FAM13A: variants seen among roughly 807,000 people sequenced by gnomAD.
The protein encoded by FAM13A is family with sequence similarity 13 member A.
Under a neutral mutation model 129.6 loss-of-function variants are expected in FAM13A, and 76 were observed. The observed-to-expected ratio is 0.59, with a 90% confidence interval of 0.49 to 0.71. FAM13A has a LOEUF of 0.71. FAM13A is among the 30% of genes least tolerant of loss of function. The pLI is 0.00. For missense variants in FAM13A, 1,108 were observed against 1,249.3 expected (o/e 0.89, Z 1.70); for synonymous variants, 443 against 449.9 (o/e 0.98, Z 0.20).
chr4:89,019,099 G>C (rs1484494058), intron 3 of FAM13A, among the ~76,000 whole-genome samples: 1 of 152,174 alleles, frequency 6.6e-6, no homozygotes, highest in Non-Finnish European at 1.5e-5. Context: ...CCTTCCCTAG[G>C]GGATGGCAAG....
In FAM13A at chr4:88,747,762, C is replaced by G. The variant is rs1221890272; in HGVS notation, c.2251G>C (p.Glu751Gln). The change falls in exon 18 of 24, where the codon GAG becomes CAG. Residue 751 changes from glutamate (E) to glutamine (Q), a missense_variant. Glu to Gln is a conservative substitution (Grantham distance 29). This residue lies in a region of FAM13A where 529 missense variants were observed against 621.2 expected (regional missense o/e 0.85). Coordinates refer to ENST00000264344, the MANE Select transcript of FAM13A (RefSeq NM_014883.4). ...TCTTGCTTCTTCTCATCTTCTTTCT[C>G]AAGTTGGGAACCAAAACTCTTGGGG... ...TLPKSFGSQL[E>Q]KEDEKKQELV... The G allele has an allele frequency of 3.7e-6, 6 of 1,614,084 alleles. No individual in the cohort carries two copies. In the East Asian group the frequency reaches 1.3e-4, roughly 36 times the overall value.
intron 20 of FAM13A, among the ~76,000 whole-genome samples, chr4:88,738,360 G>C (rs901249539): frequency 1.1e-4 from 16 of 152,156 alleles, no homozygotes; most frequent in African/African-American, 3.6e-4. Flanking sequence ...TCATAAGCTG[G>C]GGGTGGAAAC....
intron 4 of FAM13A, among the ~76,000 whole-genome samples, chr4:88,945,792 T>C (rs1755593174): frequency 7.0e-6 from 1 of 143,764 alleles, no homozygotes; most frequent in Non-Finnish European, 1.5e-5. Flanking sequence ...TGTATATATA[T>C]ATATAAGTAT....
At chr4:89,025,947 A>C (rs1445340213) in intron 2 of FAM13A, among the ~76,000 whole-genome samples, 2 of 152,216 alleles carry the variant, frequency 1.3e-5, no homozygotes, top group South Asian at 2.1e-4. Context: ...TTAACCACAT[A>C]ATTTTATTAA....
At chr4:89,010,106 AAG>A (rs1765545007) in intron 3 of FAM13A, among the ~76,000 whole-genome samples, 1 of 152,212 alleles carries the variant, frequency 6.6e-6, no homozygotes, top group Non-Finnish European at 1.5e-5. Context: ...AATATAAAAT[AAG>A]AGTCTTTTTC....
intron 6 of FAM13A, among the ~76,000 whole-genome samples, chr4:88,879,992 A>G (rs957661009): frequency 1.3e-5 from 2 of 152,210 alleles, no homozygotes; most frequent in African/African-American, 4.8e-5. Context: ...TTCAGTGTTT[A>G]GCATAGAGTA....
At chr4:88,799,114 G>A (rs1236439651) in intron 8 of FAM13A, among the ~76,000 whole-genome samples, 2 of 152,046 alleles carry the variant, frequency 1.3e-5, no homozygotes, top group Non-Finnish European at 2.9e-5. Flanking sequence ...AAAAAATAAT[G>A]ACTGGTGATT....
At chr4:89,019,629 C>T (rs894436278) in intron 3 of FAM13A, among the ~76,000 whole-genome samples, 6 of 151,648 alleles carry the variant, frequency 4.0e-5, no homozygotes, top group South Asian at 2.1e-4. Flanking sequence ...GGCATGGTGG[C>T]GGGTGCCTGT....
At chr4:88,942,143 T>A (rs906725904) in intron 4 of FAM13A, among the ~76,000 whole-genome samples, 1 of 152,178 alleles carries the variant, frequency 6.6e-6, no homozygotes, top group Admixed American at 6.5e-5. Flanking sequence ...CTAAAGATAA[T>A]TCAGAATTAC....
chr4:88,820,275 C>T (rs1361806237), intron 7 of FAM13A, among the ~76,000 whole-genome samples: 1 of 152,114 alleles, frequency 6.6e-6, no homozygotes, highest in Non-Finnish European at 1.5e-5. Flanking sequence ...TCCATCTAGG[C>T]ACATCTCTAT....
chr4:88,922,107 T>C lies in FAM13A; in HGVS notation c.760-15645A>G, dbSNP rs1259182293. Among the ~76,000 whole-genome samples the C allele has an allele frequency of 1.7e-3, 252 of 148,872 alleles. 1 individual carries two copies. The highest frequency in any genetic ancestry group is 5.8e-3 in the African/African-American group (226 of 38,676). On this transcript the variant is annotated intron_variant, in intron 5 of 23. Coordinates refer to ENST00000264344, the MANE Select transcript of FAM13A (RefSeq NM_014883.4). The stretch of plus-strand genomic sequence containing the variant: ...ACTCCCACATAATAATAATGGGAGA[T>C]TTTAACACCCCACTGTCAACATTAG...
intron 5 of FAM13A, among the ~76,000 whole-genome samples, chr4:88,924,042 T>G (rs201531745): frequency 2.0e-4 from 30 of 151,904 alleles, no homozygotes; most frequent in African/African-American, 6.5e-4. Flanking sequence ...CACTGCTCAA[T>G]GAAATAAAAG....
chr4:88,839,505 A>G (rs1561131691), intron 7 of FAM13A, among the ~76,000 whole-genome samples: 1 of 152,324 alleles, frequency 6.6e-6, no homozygotes, highest in East Asian at 1.9e-4. Context: ...TTAGGGGTGT[A>G]AATTAGGAAT....
chr4:88,969,709 C>A (rs576937969), intron 4 of FAM13A, among the ~76,000 whole-genome samples: 2 of 152,268 alleles, frequency 1.3e-5, no homozygotes, highest in Admixed American at 6.5e-5. Context: ...TGTTTTAATT[C>A]ATTTAATCCT....
Position 88,728,411 on chromosome 4 carries a change from A to T in FAM13A, c.*122T>A. 2 of 1,201,438 alleles carry T rather than the reference A, an allele frequency of 1.7e-6. No individual in the cohort carries two copies. Among genetic ancestry groups the T allele is most frequent in the Non-Finnish European group, 2.4e-6 (2 of 839,108 alleles). The allele number at this position is 1,201,438 out of a possible 1,614,324, so 74.4% of individuals were successfully genotyped here. On this transcript the variant is annotated 3_prime_UTR_variant, in exon 24 of 24. Transcript: ENST00000264344. ...AACAGGAGCCGATGCCAAATGGTCT[A>T]GAGGCAGAAGGGCTGCATGCTTTGC... is the stretch of plus-strand genomic sequence containing the variant.
chr4:89,024,696 G>C (rs1767704189), intron 2 of FAM13A, among the ~76,000 whole-genome samples: 2 of 152,148 alleles, frequency 1.3e-5, no homozygotes, highest in Admixed American at 6.5e-5. Context: ...ACAAATTGAA[G>C]TATTATGCCC....
chr4:88,787,344 T>A, intron 10 of FAM13A, among the ~76,000 whole-genome samples: 1 of 152,150 alleles, frequency 6.6e-6, no homozygotes, highest in Non-Finnish European at 1.5e-5. Flanking sequence ...CACATAAATA[T>A]AATGGAGAAA....
At chr4:88,875,700 A>C (rs1271498702) in intron 6 of FAM13A, among the ~76,000 whole-genome samples, 1 of 152,232 alleles carries the variant, frequency 6.6e-6, no homozygotes, top group African/African-American at 2.4e-5. Flanking sequence ...GTGGGACTGT[A>C]AACTAGTTCA....
chr4:88,916,261 A>C (rs1750101413), intron 5 of FAM13A, among the ~76,000 whole-genome samples: 1 of 152,230 alleles, frequency 6.6e-6, no homozygotes, highest in African/African-American at 2.4e-5. Flanking sequence ...GAACAAAGAC[A>C]TCAAGCATCA....
Sources: allele counts gnomAD v4.1 joint callset (sites outside exome capture counted in the v4.1 genomes callset), GRCh38; gene constraint gnomAD v4.1.1; regional missense constraint gnomAD v4.1.1; transcripts MANE v1.5; gene names NCBI Gene and HGNC (gene_info 2026-07-23, HGNC 2026-07-21).